PARVA: variants seen among roughly 807,000 people sequenced by gnomAD.
The protein encoded by PARVA is parvin alpha.
A neutral mutation model predicts 52.6 loss-of-function variants in PARVA; 25 were observed. That is an observed-to-expected ratio of 0.48 (90% CI 0.35 to 0.66). PARVA has a LOEUF of 0.66. PARVA is among the 30% of genes least tolerant of loss of function. The pLI, the probability that PARVA is intolerant of heterozygous loss-of-function variation, is 0.01. For synonymous variants in PARVA, 185 were observed against 179.1 expected (o/e 1.03, Z -0.26); for missense variants, 373 against 450.9 (o/e 0.83, Z 1.56).
At chr11:12,520,845 G>A (rs1564870101) in intron 12 of PARVA, among the ~76,000 whole-genome samples, 1 of 152,034 alleles carries the variant, frequency 6.6e-6, no homozygotes, top group Non-Finnish European at 1.5e-5. Context: ...CCAGCTCCTC[G>A]GGAGGCTGAG....
chr11:12,526,069 A>G (rs1010056), intron 12 of PARVA, among the ~76,000 whole-genome samples: 146,629 of 152,244 alleles, frequency 0.96, 70,845 homozygotes, highest in East Asian at 1. Context: ...AGAATGGCAC[A>G]GGCAGGAGCG....
intron 1 of PARVA, among the ~76,000 whole-genome samples, chr11:12,471,194 G>A (rs960246830): frequency 6.6e-5 from 10 of 152,162 alleles, no homozygotes; most frequent in African/African-American, 1.9e-4. Context: ...TGAGGGTGTT[G>A]AGAATCACAA....
At chr11:12,516,207 G>A (rs566881840) in intron 10 of PARVA, among the ~76,000 whole-genome samples, 129 of 152,294 alleles carry the variant, frequency 8.5e-4, no homozygotes, top group Middle Eastern at 6.8e-3. Context: ...GCCGCAGGCC[G>A]GCTAGCTGGC....
intron 1 of PARVA, among the ~76,000 whole-genome samples, chr11:12,381,542 A>G (rs1939486668): frequency 6.6e-6 from 1 of 152,208 alleles, no homozygotes; most frequent in African/African-American, 2.4e-5. Flanking sequence ...TGTGGGGGTT[A>G]TGGACATTGA....
rs1317779439 is a variant in PARVA, at chr11:12,432,176, C to G, written c.137-41569C>G. 2.0e-5 allele frequency among the ~76,000 whole-genome samples: 3 copies of G among 152,234 alleles called. No homozygotes were observed. The South Asian group carries it at 6.2e-4, about 32-fold the overall frequency. ...AGTTGAGTAGTGACTCTTTTTTCCT[C>G]ATTTTCTTTCTCACCTGTCTCTTGA... On this transcript the variant is annotated intron_variant, in intron 1 of 12. Transcript: ENST00000334956.
At chr11:12,508,850 A>G (rs764240683) in intron 7 of PARVA, among the ~76,000 whole-genome samples, 1 of 152,138 alleles carries the variant, frequency 6.6e-6, no homozygotes, top group Non-Finnish European at 1.5e-5. Flanking sequence ...AAGTAGGGAG[A>G]CGGAATTAGC....
chr11:12,454,848 T>C (rs1466484300), intron 1 of PARVA, among the ~76,000 whole-genome samples: 5 of 152,238 alleles, frequency 3.3e-5, no homozygotes, highest in Non-Finnish European at 1.5e-5. Flanking sequence ...ACTATATTCA[T>C]GTAAAAAAAT....
chr11:12,394,557 T>A (rs1407281134), intron 1 of PARVA, among the ~76,000 whole-genome samples: 1 of 152,226 alleles, frequency 6.6e-6, no homozygotes, highest in African/African-American at 2.4e-5. Context: ...TAATGCAGTG[T>A]AGGGGTCAAG....
intron 1 of PARVA, among the ~76,000 whole-genome samples, chr11:12,471,952 G>T (rs777802396): frequency 5.9e-5 from 9 of 152,224 alleles, no homozygotes; most frequent in Non-Finnish European, 1.2e-4. Flanking sequence ...GCGTAGCAAT[G>T]CTTGTTAACA....
At chr11:12,474,023 C>G (rs1292106941) in intron 3 of PARVA, 40 bp downstream of exon 3, 2 of 1,490,628 alleles carry the variant, frequency 1.3e-6, no homozygotes, top group South Asian at 2.4e-5. Flanking sequence ...GCCTCACTGA[C>G]CCACCATGTG....
At chr11:12,429,370 A>G (rs959893023) in intron 1 of PARVA, among the ~76,000 whole-genome samples, 3 of 152,224 alleles carry the variant, frequency 2.0e-5, no homozygotes, top group Non-Finnish European at 4.4e-5. Flanking sequence ...AGCACCCTCA[A>G]TAAGTTGCAC....
chr11:12,499,819 T>A (rs1941344448), intron 5 of PARVA, among the ~76,000 whole-genome samples: 1 of 152,158 alleles, frequency 6.6e-6, no homozygotes, highest in African/African-American at 2.4e-5. Context: ...TATATATGTA[T>A]ATATAAAAAA....
intron 1 of PARVA, among the ~76,000 whole-genome samples, chr11:12,465,539 A>T (rs751871237): frequency 6.6e-5 from 10 of 152,176 alleles, no homozygotes; most frequent in Admixed American, 1.3e-4. Flanking sequence ...TACTTTGCCT[A>T]TTCAGCATTT....
intron 1 of PARVA, among the ~76,000 whole-genome samples, chr11:12,405,939 CAGAG>C (rs530374703): frequency 4.9e-4 from 74 of 152,300 alleles, no homozygotes; most frequent in Non-Finnish European, 7.2e-4. Flanking sequence ...GCCTGGGTGA[CAGAG>C]AGTCTGTCTC....
At chr11:12,463,815 T>C (rs1940817167) in intron 1 of PARVA, among the ~76,000 whole-genome samples, 1 of 152,224 alleles carries the variant, frequency 6.6e-6, no homozygotes, top group African/African-American at 2.4e-5. Flanking sequence ...TCACTATGGA[T>C]TCACAGACAT....
intron 1 of PARVA, among the ~76,000 whole-genome samples, chr11:12,457,350 G>A (rs984456777): frequency 6.6e-6 from 1 of 152,202 alleles, no homozygotes; most frequent in African/African-American, 2.4e-5. Context: ...CACAGTGACT[G>A]GCAATGTTTT....
intron 10 of PARVA, among the ~76,000 whole-genome samples, chr11:12,516,284 A>G (rs950127751): frequency 3.3e-5 from 5 of 152,176 alleles, no homozygotes; most frequent in Non-Finnish European, 7.4e-5. Context: ...GGCCTTCTCT[A>G]AACCCCAGCA....
intron 1 of PARVA, among the ~76,000 whole-genome samples, chr11:12,449,661 C>G (rs933055424): frequency 1.3e-5 from 2 of 152,136 alleles, no homozygotes; most frequent in African/African-American, 4.8e-5. Flanking sequence ...TGACTTTGCT[C>G]CCACCAGCCT....
chr11:12,405,918 A>T (rs561722066), intron 1 of PARVA, among the ~76,000 whole-genome samples: 1 of 152,356 alleles, frequency 6.6e-6, no homozygotes, highest in Admixed American at 6.5e-5. Flanking sequence ...AGATCCTGCC[A>T]CTGCACTCCA....
Sources: allele counts gnomAD v4.1 joint callset (sites outside exome capture counted in the v4.1 genomes callset), GRCh38; gene constraint gnomAD v4.1.1; transcripts MANE v1.5; gene names NCBI Gene and HGNC (gene_info 2026-07-23, HGNC 2026-07-21).